Variants in TTC17 observed in about 807,000 individuals in gnomAD.
The protein encoded by TTC17 is tetratricopeptide repeat protein 17.
Under a neutral mutation model 143.8 loss-of-function variants are expected in TTC17, and 58 were observed. That is an observed-to-expected ratio of 0.40 (90% CI 0.33 to 0.50). The LOEUF is 0.50. Among genes scored for constraint, TTC17 ranks in the 20% least tolerant of loss-of-function variants. The pLI is 0.49. For missense variants in TTC17, 1,273 were observed against 1,392.5 expected (o/e 0.91, Z 1.37); for synonymous variants, 501 against 497.8 (o/e 1.01, Z -0.09).
Position 43,389,791 on chromosome 11 carries a change from C to T in TTC17, c.389C>T (p.Thr130Ile). Residue 130 changes from threonine to isoleucine, a missense_variant, in exon 3 of 24, where the codon ACA (threonine) becomes ATA (isoleucine). Around this residue, in one of 3 missense-constraint regions of TTC17, gnomAD observed 325 missense variants for 444.2 expected, o/e 0.73. Coordinates refer to ENST00000039989, the MANE Select transcript of TTC17 (RefSeq NM_018259.6). Reference sequence around the variant, plus strand: ...GGGGACCTGGATCTATATGATGGCACATACATAACTTTGGAGAGCAAAGAC... The same window carrying T: ...GGGGACCTGGATCTATATGATGGCATATACATAACTTTGGAGAGCAAAGAC... Reference protein sequence around the residue: ...PLGDLDLYDGTYITLESKDIS... With the variant: ...PLGDLDLYDGIYITLESKDIS... The T allele has an allele frequency of 1.2e-6, 2 of 1,609,848 alleles. No individual in the cohort carries two copies. The highest frequency in any genetic ancestry group is 1.1e-5 in the South Asian group (1 of 89,798).
chr11:43,428,841 G>A (rs1947088151), intron 16 of TTC17, among the ~76,000 whole-genome samples: 1 of 152,026 alleles, frequency 6.6e-6, no homozygotes, highest in South Asian at 2.1e-4. Context: ...CTTTTTTCCT[G>A]TAAACTCTTC....
rs1293873548 is a variant in TTC17 at position 43,384,506 on chromosome 11, CTT to C, written c.250-5145_250-5144del. ...TGCTGTTTCTACCAAAAATAGAAAACTTAGCCAGCATGGTGGTGTGTGCCTAT... is the reference window on the plus strand; with the variant it reads ...TGCTGTTTCTACCAAAAATAGAAAACAGCCAGCATGGTGGTGTGTGCCTAT... On this transcript the variant is annotated intron_variant, in intron 2 of 23. Transcript: ENST00000039989. Among the ~76,000 whole-genome samples, 7 of 152,084 alleles carry C rather than the reference CTT, an allele frequency of 4.6e-5. No homozygotes were observed. In the East Asian group the frequency reaches 7.8e-4, roughly 17 times the overall value.
chr11:43,377,698 T>A (rs1362081161), intron 1 of TTC17, among the ~76,000 whole-genome samples: 1 of 152,230 alleles, frequency 6.6e-6, no homozygotes, highest in Non-Finnish European at 1.5e-5. Flanking sequence ...AAATGATAAG[T>A]ACTTCCTCAC....
intron 22 of TTC17, 148 bp from the exon 23 acceptor site, chr11:43,491,872 C>G (rs1948479743): frequency 7.6e-6 from 7 of 918,338 alleles, no homozygotes; most frequent in Middle Eastern, 2.3e-4. Flanking sequence ...TATCACAGAC[C>G]AGTAGCAAAC....
chr11:43,387,656 A>G (rs1857218704), intron 2 of TTC17, among the ~76,000 whole-genome samples: 1 of 152,188 alleles, frequency 6.6e-6, no homozygotes, highest in South Asian at 2.1e-4. Context: ...TAATTTTGGC[A>G]TTCTCAGTAG....
intron 18 of TTC17, 149 bp downstream of exon 18, chr11:43,444,358 A>G: frequency 1.5e-6 from 1 of 660,782 alleles, no homozygotes; most frequent in East Asian, 3.2e-5. Context: ...TTCTGTATCA[A>G]TGAAAAAAAT....
intron 15 of TTC17, among the ~76,000 whole-genome samples, chr11:43,411,665 T>C (rs1858419572): frequency 6.6e-6 from 1 of 152,224 alleles, no homozygotes; most frequent in East Asian, 1.9e-4. Flanking sequence ...CTAACCAGTT[T>C]ATCTCAATGC....
chr11:43,405,366 G>A, intron 11 of TTC17, 148 bp from the exon 12 acceptor site: 1 of 653,154 alleles, frequency 1.5e-6, no homozygotes, highest in South Asian at 1.9e-5. Context: ...TTAATAATCT[G>A]CAGTAGCAGG....
chr11:43,359,029 T>C lies in TTC17; in HGVS notation c.75T>C (p.Leu25=). The C allele has an allele frequency of 6.3e-7, 1 of 1,591,470 alleles. No homozygotes were observed. The highest frequency in any genetic ancestry group is 8.5e-7 in the Non-Finnish European group (1 of 1,170,260). The change falls in exon 1 of 24, where the codon CTT becomes CTC. Residue 25 remains leucine (L), a synonymous_variant. Transcript: ENST00000039989. ...CCGGCCCAGGCTGGCTCCTCAGCCT[T>C]TCCGCCTTGCTGAGTGTGGCGGCAC... ...PCSGPGWLLS[L]SALLSVAARG... is the part of the protein sequence containing the mutation.
rs544754456 is a variant in TTC17, at chr11:43,411,565, T to C, written c.2065-3025T>C. On this transcript the variant is annotated intron_variant, in intron 15 of 23. Transcript: ENST00000039989. ...ACCTTTCTTATTTTCTGCTGTATCC[T>C]CAATGTTCAAAACTATGCCTGCAAC... 4.6e-5 allele frequency among the ~76,000 whole-genome samples: 7 copies of C among 152,302 alleles called. No individual in the cohort carries two copies. In the East Asian group the frequency reaches 1.2e-3, roughly 25 times the overall value.
At chr11:43,434,620 C>A (rs1947244085) in intron 16 of TTC17, among the ~76,000 whole-genome samples, 1 of 152,128 alleles carries the variant, frequency 6.6e-6, no homozygotes, top group African/African-American at 2.4e-5. Context: ...ATGTAGTTCC[C>A]CTTTTATAAG....
At chr11:43,488,467 T>C (rs1483394684) in intron 21 of TTC17, among the ~76,000 whole-genome samples, 2 of 150,364 alleles carry the variant, frequency 1.3e-5, no homozygotes, top group African/African-American at 4.9e-5. Flanking sequence ...ACTGTATTTA[T>C]ATATAGTATA....
chr11:43,390,903 A>G (rs952484773), intron 3 of TTC17, among the ~76,000 whole-genome samples: 3 of 152,150 alleles, frequency 2.0e-5, no homozygotes, highest in African/African-American at 7.2e-5. Context: ...TTTCTAGACA[A>G]TTGAGCAGTT....
intron 18 of TTC17, 146 bp from the exon 19 acceptor site, chr11:43,447,856 T>A: frequency 3.2e-6 from 3 of 949,046 alleles, no homozygotes; most frequent in Non-Finnish European, 4.6e-6. Flanking sequence ...TTTAATTAGA[T>A]CATAGATGGG....
chr11:43,397,537 C>CTT (rs376723044), intron 7 of TTC17, 46 bp downstream of exon 7: 33,635 of 1,204,278 alleles, frequency 0.028, no homozygotes, highest in Non-Finnish European at 0.03. Flanking sequence ...TTGCCACTTT[C>CTT]TTTTTTTTTT....
chr11:43,493,360 G>A (rs374490852), intron 23 of TTC17, among the ~76,000 whole-genome samples: 1 of 152,154 alleles, frequency 6.6e-6, no homozygotes, highest in African/African-American at 2.4e-5. Flanking sequence ...TGCATAATGG[G>A]CATTTGTCAG....
chr11:43,431,006 T>C (rs1242191470), intron 16 of TTC17, among the ~76,000 whole-genome samples: 2 of 152,144 alleles, frequency 1.3e-5, no homozygotes, highest in East Asian at 3.8e-4. Flanking sequence ...CTCCCACTTA[T>C]GAGTGAGAAC....
At chr11:43,391,991 C>T (rs888231640) in intron 5 of TTC17, 39 bp downstream of exon 5, 1 of 1,565,786 alleles carries the variant, frequency 6.4e-7, no homozygotes, top group Non-Finnish European at 8.6e-7. Flanking sequence ...CGGGCTGAGC[C>T]AGCGGGCTCT....
At chr11:43,448,182 C>A in intron 19 of TTC17, 60 bp downstream of exon 19, 1 of 1,595,676 alleles carries the variant, frequency 6.3e-7, no homozygotes, top group Non-Finnish European at 8.6e-7. Context: ...ACCCAGCTGA[C>A]TTTAAGGATC....
Sources: gnomAD v4.1 joint callset for allele counts (sites outside exome capture counted in the v4.1 genomes callset) on GRCh38, gnomAD v4.1.1 for gene constraint, gnomAD v4.1.1 regional missense constraint, MANE v1.5 for transcripts, NCBI Gene and HGNC (gene_info 2026-07-23, HGNC 2026-07-21) for gene names.